ANAPC10: variants seen among roughly 807,000 people sequenced by gnomAD.
ANAPC10 encodes the protein anaphase promoting complex subunit 10, also known as anaphase-promoting complex subunit 10.
Under a neutral mutation model 22.0 loss-of-function variants are expected in ANAPC10, and 12 were observed. The observed-to-expected ratio is 0.55, with a 90% CI of 0.35 to 0.88. ANAPC10 has a LOEUF of 0.88. Among genes scored for constraint, ANAPC10 ranks in the 40% least tolerant of loss-of-function variants. ANAPC10 has a pLI of 0.01. For missense variants in ANAPC10, 188 were observed against 220.9 expected (o/e 0.85, Z 0.94); for synonymous variants, 65 against 69.5 (o/e 0.94, Z 0.32).
At chr4:145,008,122 C>G (rs1011407243) in intron 4 of ANAPC10, among the ~76,000 whole-genome samples, 7 of 152,064 alleles carry the variant, frequency 4.6e-5, no homozygotes, top group African/African-American at 1.7e-4. Context: ...TACACCCTCC[C>G]AAGACTAAAC....
chr4:145,052,858 T>C (rs539564935), intron 4 of ANAPC10, among the ~76,000 whole-genome samples: 47 of 147,020 alleles, frequency 3.2e-4, no homozygotes, highest in Admixed American at 2.8e-3. Flanking sequence ...ACTGCACTCC[T>C]GCCTGGGCAA....
chr4:145,002,367 T>C (rs1289265453), intron 4 of ANAPC10, among the ~76,000 whole-genome samples: 1 of 152,106 alleles, frequency 6.6e-6, no homozygotes, highest in Non-Finnish European at 1.5e-5. Context: ...CAAGCTCTTC[T>C]GCCCTAGTGA....
intron 4 of ANAPC10, among the ~76,000 whole-genome samples, chr4:145,029,782 T>A (rs1440009266): frequency 6.6e-6 from 1 of 152,012 alleles, no homozygotes; most frequent in Non-Finnish European, 1.5e-5. Flanking sequence ...TGGGATGGGG[T>A]AGTGGATTAG....
intron 4 of ANAPC10, among the ~76,000 whole-genome samples, chr4:145,034,959 G>A (rs543512736): frequency 6.6e-6 from 1 of 152,152 alleles, no homozygotes; most frequent in East Asian, 1.9e-4. Context: ...GGAGCCATCA[G>A]TCAGTTACTG....
rs1213066378 is a variant in ANAPC10 at position 145,012,257 on chromosome 4, A to G, written c.328-16654T>C. On this transcript the variant is annotated intron_variant, in intron 4 of 4. Transcript: ENST00000507656. Reference sequence around the variant, plus strand: ...TAGTAGCTACATTAAAATTAAAAAGAAATGAGTGATATTAAATTTATACTT... The same window carrying G: ...TAGTAGCTACATTAAAATTAAAAAGGAATGAGTGATATTAAATTTATACTT... 4.0e-5 allele frequency among the ~76,000 whole-genome samples: 6 copies of G among 150,616 alleles called. No homozygotes were observed. In the East Asian group the frequency reaches 1.2e-3, roughly 29 times the overall value.
Position 145,080,113 on chromosome 4 carries a change from C to CAAAAAA in ANAPC10, c.206+1541_206+1546dup, listed in dbSNP as rs70956824. Among the ~76,000 whole-genome samples, 35 of 26,804 alleles carry CAAAAAA rather than the reference C, an allele frequency of 1.3e-3. 5 individuals are homozygous for CAAAAAA. The highest frequency in any genetic ancestry group is 5.5e-3 in the African/African-American group (31 of 5,654). The allele number at this position is 26,804 out of a possible 152,430, so 17.6% of individuals were successfully genotyped here. On this transcript the variant is annotated intron_variant, in intron 3 of 4. Transcript: ENST00000507656. ...TGGGCAACAGAGAGAGACTCTGTCT[C>CAAAAAA]AAAAAAAAAAAAAAAAAAAAAAAAA...
chr4:144,996,190 G>T (rs757011429), intron 4 of ANAPC10, among the ~76,000 whole-genome samples: 2 of 150,382 alleles, frequency 1.3e-5, no homozygotes, highest in African/African-American at 4.9e-5. Flanking sequence ...ATATCCCCAC[G>T]GCTCTACACT....
intron 4 of ANAPC10, among the ~76,000 whole-genome samples, chr4:145,059,785 A>G (rs919786138): frequency 6.6e-6 from 1 of 152,042 alleles, no homozygotes; most frequent in African/African-American, 2.4e-5. Context: ...AGCTAGAGAT[A>G]TTTTCTAAAA....
intron 2 of ANAPC10, among the ~76,000 whole-genome samples, chr4:145,092,013 C>T (rs1747753882): frequency 6.6e-6 from 1 of 152,118 alleles, no homozygotes; most frequent in African/African-American, 2.4e-5. Flanking sequence ...AACTACCCTG[C>T]CTCTCCCTTT....
chr4:145,095,597 C>T (rs1748384528), intron 2 of ANAPC10, among the ~76,000 whole-genome samples: 1 of 152,202 alleles, frequency 6.6e-6, no homozygotes, highest in Non-Finnish European at 1.5e-5. Context: ...ACAACACCTA[C>T]ATTCTTCACC....
chr4:145,072,419 G>C (rs1457683970), intron 3 of ANAPC10, among the ~76,000 whole-genome samples: 1 of 152,108 alleles, frequency 6.6e-6, no homozygotes, highest in Non-Finnish European at 1.5e-5. Context: ...TATTTTCTAT[G>C]TGAAGAAAAA....
chr4:145,017,090 G>C (rs895505196), intron 4 of ANAPC10, among the ~76,000 whole-genome samples: 18 of 152,142 alleles, frequency 1.2e-4, no homozygotes, highest in Non-Finnish European at 5.9e-5. Flanking sequence ...AACACCAAAA[G>C]CAATCGCAAC....
At chr4:145,018,897 C>T (rs1320061452) in intron 4 of ANAPC10, among the ~76,000 whole-genome samples, 2 of 151,954 alleles carry the variant, frequency 1.3e-5, no homozygotes, top group Non-Finnish European at 2.9e-5. Flanking sequence ...CAGGAAAATA[C>T]CACAATCCTA....
At chr4:145,091,914 AC>A (rs1289766185) in intron 2 of ANAPC10, among the ~76,000 whole-genome samples, 1 of 152,186 alleles carries the variant, frequency 6.6e-6, no homozygotes, top group East Asian at 1.9e-4. Flanking sequence ...AGCCACAGAT[AC>A]AAGGCTATCT....
chr4:145,066,852 A>T (rs982862573), intron 3 of ANAPC10, among the ~76,000 whole-genome samples: 2 of 152,128 alleles, frequency 1.3e-5, no homozygotes, highest in African/African-American at 4.8e-5. Flanking sequence ...AGTTGAAATT[A>T]AAAAATGTGT....
intron 4 of ANAPC10, among the ~76,000 whole-genome samples, chr4:145,037,680 C>T (rs1738796398): frequency 6.6e-6 from 1 of 152,114 alleles, no homozygotes. Context: ...GGCACAATGG[C>T]TCACACCTAT....
At chr4:145,054,705 T>TGAGCATGTGTGTGTGTGC (rs1382575078) in intron 4 of ANAPC10, among the ~76,000 whole-genome samples, 19 of 147,142 alleles carry the variant, frequency 1.3e-4, no homozygotes, top group South Asian at 6.3e-4. Flanking sequence ...CCTGTGTGTG[T>TGAGCATGTGTGTGTGTGC]GTGCATGTGT....
chr4:145,037,923 G>C (rs1276163111), intron 4 of ANAPC10, among the ~76,000 whole-genome samples: 2 of 147,994 alleles, frequency 1.4e-5, no homozygotes, highest in African/African-American at 5.1e-5. Context: ...CTCAAGCATG[G>C]GTGACAGAGC....
rs760042262 is a variant in ANAPC10 at position 145,096,078 on chromosome 4, G to C, written c.22C>G (p.Pro8Ala). Reference sequence around the variant, plus strand: ...AACTGCTTGGGGTCAGCACCAGGAGGTGTCTTGTTTGGTGTAGTCATTTTT... The same window carrying C: ...AACTGCTTGGGGTCAGCACCAGGAGCTGTCTTGTTTGGTGTAGTCATTTTT... MTTPNKT[P>A]PGADPKQLER... Residue 8 changes from proline to alanine, a missense_variant, in exon 2 of 5, where the codon CCT becomes GCT. By Grantham distance (27) the Pro-to-Ala change is conservative. Transcript: ENST00000507656. 3 of 1,614,140 alleles carry C rather than the reference G, an allele frequency of 1.9e-6. No individual in the cohort carries two copies. The highest frequency in any genetic ancestry group is 8.5e-7 in the Non-Finnish European group (1 of 1,180,004).
Sources: allele counts gnomAD v4.1 joint callset (sites outside exome capture counted in the v4.1 genomes callset), GRCh38; gene constraint gnomAD v4.1.1; transcripts MANE v1.5; gene names NCBI Gene and HGNC (gene_info 2026-07-23, HGNC 2026-07-21).